Variants in FRG2C observed in about 807,000 individuals in gnomAD.
The protein encoded by FRG2C is protein FRG2-like-2.
FRG2C carries 8 observed loss-of-function variants against 14.1 expected under a neutral mutation model. That is an observed-to-expected ratio of 0.57 (90% CI 0.33 to 1.02). The LOEUF is 1.02. FRG2C is among the 50% of genes least tolerant of loss of function. FRG2C has a pLI of 0.03. For synonymous variants in FRG2C, 92 were observed against 127.4 expected, an observed-to-expected ratio of 0.72 and a Z score of 1.87; for missense variants, 214 against 334.2, an observed-to-expected ratio of 0.64 and a Z score of 2.80.
rs1324652905 is a variant in FRG2C at position 75,666,414 on chromosome 3, A to G, written c.*373A>G. On this transcript the variant is annotated 3_prime_UTR_variant, in exon 4 of 4. Coordinates refer to ENST00000308062, the MANE Select transcript of FRG2C (RefSeq NM_001124759.5). Reference sequence around the variant, plus strand: ...TTTTTTTTTTTGAGACAGTCTTGCTATGTCACTCAGGCTGGAGTGCAGTGG... The same window carrying G: ...TTTTTTTTTTTGAGACAGTCTTGCTGTGTCACTCAGGCTGGAGTGCAGTGG... 2.1e-4 allele frequency: 89 copies of G among 419,002 alleles called. No homozygotes were observed. The East Asian group carries it at 3.2e-3, about 15-fold the overall frequency. 26.0% of individuals were successfully genotyped at this position (419,002 alleles called of 1,614,324 possible). A position where few individuals can be genotyped will look rare whatever the true frequency, so the allele number is the denominator to read the frequency against.
rs1370105074 is a variant in FRG2C, at chr3:75,664,862, C to T, written c.222C>T (p.Thr74=). ...CAAACAAGGAGAATTCTGAGGAAAC[C>T]AAGCTCAAGGCCGGGAACAGCACTG... ...PNPNKENSEE[T]KLKAGNSTAG... is the part of the protein sequence containing the mutation. The change falls in exon 2 of 4, where the codon ACC becomes ACT. Residue 74 remains threonine, a synonymous_variant. Transcript: ENST00000308062. 1.9e-6 allele frequency: 3 copies of T among 1,614,260 alleles called. No homozygotes were observed. The highest frequency in any genetic ancestry group is 1.7e-6 in the Non-Finnish European group (2 of 1,180,042).
At position 75,666,988 on chromosome 3, in the gene FRG2C, TGGA is replaced by T. The variant is rs1026727161; in HGVS notation, c.*949_*951del. The T allele has an allele frequency of 2.0e-4, 30 of 152,390 alleles. No individual in the cohort carries two copies. Among genetic ancestry groups the T allele is most frequent in the Non-Finnish European group, 3.8e-4 (26 of 67,998 alleles). The allele number at this position is 152,390 out of a possible 1,614,324, so 9.4% of individuals were successfully genotyped here. On this transcript the variant is annotated 3_prime_UTR_variant, in exon 4 of 4. Transcript: ENST00000308062. ...ATTGATTGTACTGTATTGCAGGATA[TGGA>T]GATTTCATCACATACTACAATACAG...
chr3:75,665,574 A>T lies in FRG2C; in HGVS notation c.382A>T (p.Arg128Ter), dbSNP rs1366313196. The change falls in exon 4 of 4, where the codon AGA (arginine) becomes TGA (stop). Residue 128 changes from arginine to a stop codon, truncating the protein, a stop_gained. Coordinates refer to ENST00000308062, the MANE Select transcript of FRG2C (RefSeq NM_001124759.5). LOFTEE classifies it low-confidence loss of function (END_TRUNC). ...ECNLTLNKKS[R>*]SSTAVHNSEI... ...CAACTTGACGTTGAATAAAAAATCA[A>T]GATCCTCCACTGCTGTGCACAACAG... 6.2e-7 allele frequency: 1 copy of T among 1,613,820 alleles called. No individual in the cohort carries two copies. Among genetic ancestry groups the T allele is most frequent in the Admixed American group, 1.7e-5 (1 of 59,966 alleles).
chr3:75,664,905 T>G lies in FRG2C; in HGVS notation c.256+9T>G, dbSNP rs1937044917. On this transcript the variant is annotated intron_variant, in intron 2 of 3. Transcript: ENST00000308062. ...CAGCACTGCTGGATCAGGTAAGATT[T>G]GACTCTTTCAAGGTGAGAAGGGACA... is the stretch of plus-strand genomic sequence containing the variant. 1.9e-6 allele frequency: 3 copies of G among 1,614,290 alleles called. No individual in the cohort carries two copies. The highest frequency in any genetic ancestry group is 1.7e-4 in the Middle Eastern group (1 of 6,050).
chr3:75,664,650 T>C, intron 1 of FRG2C, 93 bp downstream of exon 1: 2 of 1,613,184 alleles, frequency 1.2e-6, no homozygotes, highest in Admixed American at 3.3e-5. Context: ...TATTTTGAGA[T>C]TTGGGGATGG....
rs1937089520 is a variant in FRG2C, at chr3:75,665,998, A to T, written c.806A>T (p.Glu269Val). 6.2e-6 allele frequency: 10 copies of T among 1,612,194 alleles called. No individual in the cohort carries two copies. The South Asian group carries it at 1.1e-4, about 18-fold the overall frequency. ...CCCTTCCCTGGGCAGGAGATAACTG[A>T]GCCTGTCAGTGGATCAGATGAGGCT... ...AHPFPGQEIT[E>V]PVSGSDEAKL... is the part of the protein sequence containing the mutation. The change falls in exon 4 of 4, where the codon GAG becomes GTG. Residue 269 changes from glutamate to valine, a missense_variant. Transcript: ENST00000308062.
Position 75,664,770 on chromosome 3 carries a change from A to G in FRG2C, c.179-49A>G, listed in dbSNP as rs1937040624. 1.1e-5 allele frequency: 17 copies of G among 1,613,158 alleles called. No individual in the cohort carries two copies. In the South Asian group the frequency reaches 1.4e-4, roughly 14 times the overall value. On this transcript the variant is annotated intron_variant, in intron 1 of 3. Transcript: ENST00000308062. Reference sequence around the variant, plus strand: ...CTCAAAAATGCATGAGAGATAGACTATGGGACTCTGCCTAGGGAGAGGTGA... The same window carrying G: ...CTCAAAAATGCATGAGAGATAGACTGTGGGACTCTGCCTAGGGAGAGGTGA...
chr3:75,664,388 G>C lies in FRG2C; in HGVS notation c.9G>C (p.Lys3Asn). Residue 3 changes from lysine to asparagine, a missense_variant, in exon 1 of 4, where the codon AAG becomes AAC. Transcript: ENST00000308062. MG[K>N]GNEDPDLHCS... ...TTCACTTGAGCTTCAACATGGGAAA[G>C]GGAAATGAAGACCCCGATCTCCACT... The C allele has an allele frequency of 2.5e-6, 4 of 1,612,136 alleles. No homozygotes were observed.
At position 75,665,656 on chromosome 3, in the gene FRG2C, G is replaced by A. The variant is rs62247158; in HGVS notation, c.464G>A (p.Gly155Glu). ...HHRGSSRACT[G>E]RSKRHRSRAL... ...AGGGGAAGTTCCAGGGCTTGCACTG[G>A]GCGCAGCAAGCGGCATAGGTCTCGG... Residue 155 changes from glycine (G) to glutamate (E), a missense_variant, in exon 4 of 4, where the codon GGG becomes GAG. Physicochemically the swap from Gly to Glu is moderately conservative, Grantham distance 98. Transcript: ENST00000308062. The A allele has an allele frequency of 6.2e-7, 1 of 1,614,062 alleles. No individual in the cohort carries two copies. Among genetic ancestry groups the A allele is most frequent in the Admixed American group, 1.7e-5 (1 of 60,022 alleles).
rs1260895507 is a variant in FRG2C at position 75,666,538 on chromosome 3, C to G, written c.*497C>G. 3.6e-5 allele frequency: 6 copies of G among 168,748 alleles called. No individual in the cohort carries two copies. Among genetic ancestry groups the G allele is most frequent in the Admixed American group, 3.0e-4 (5 of 16,576 alleles). The allele number at this position is 168,748 out of a possible 1,614,324, so 10.5% of individuals were successfully genotyped here. On this transcript the variant is annotated 3_prime_UTR_variant, in exon 4 of 4. Transcript: ENST00000308062. ...GGGACTACAGGCATGTACCGCCATGCCTGGCTAATGTTTTTTTCTTGTATT... is the reference window on the plus strand; with the variant it reads ...GGGACTACAGGCATGTACCGCCATGGCTGGCTAATGTTTTTTTCTTGTATT...
At chr3:75,664,762 G>C (rs376221321) in intron 1 of FRG2C, 57 bp from the exon 2 acceptor site, 6 of 1,612,824 alleles carry the variant, frequency 3.7e-6, no homozygotes, top group Non-Finnish European at 5.1e-6. Flanking sequence ...ATGCATGAGA[G>C]ATAGACTATG....
At chr3:75,664,687 T>A in intron 1 of FRG2C, 130 bp downstream of exon 1, 1 of 1,608,520 alleles carries the variant, frequency 6.2e-7, no homozygotes, top group Non-Finnish European at 8.5e-7. Flanking sequence ...CTTAGGGGAC[T>A]TTGAGAAATG....
In FRG2C at chr3:75,665,712, A is replaced by G; in HGVS notation, c.520A>G (p.Lys174Glu). 6.2e-7 allele frequency: 1 copy of G among 1,614,088 alleles called. No individual in the cohort carries two copies. Among genetic ancestry groups the G allele is most frequent in the Non-Finnish European group, 8.5e-7 (1 of 1,179,886 alleles). The stretch of plus-strand genomic sequence containing the variant: ...AGAAGTCCAAACACCGTCACTTCGA[A>G]AAAGCTTGGTGACCTCTGTGCGAGC... The part of the protein sequence containing the change: ...ALEVQTPSLR[K>E]SLVTSVRAMS... The change falls in exon 4 of 4, where the codon AAA becomes GAA. Residue 174 changes from lysine to glutamate, a missense_variant. Physicochemically the swap from Lys to Glu is moderately conservative, Grantham distance 56. Around this residue, in one of 3 missense-constraint regions of FRG2C, gnomAD observed 136 missense variants for 148.1 expected, o/e 0.92. Transcript: ENST00000308062.
At position 75,665,597 on chromosome 3, in the gene FRG2C, C is replaced by T; in HGVS notation, c.405C>T (p.Asn135=). The T allele has an allele frequency of 6.2e-7, 1 of 1,614,084 alleles. No homozygotes were observed. The highest frequency in any genetic ancestry group is 8.5e-7 in the Non-Finnish European group (1 of 1,179,880). ...CAAGATCCTCCACTGCTGTGCACAA[C>T]AGTGAAATCCAGGAGACCTGTGATG... The part of the protein sequence containing the change: ...KKSRSSTAVH[N]SEIQETCDAH... Residue 135 remains asparagine, a synonymous_variant, in exon 4 of 4, where the codon AAC becomes AAT. Transcript: ENST00000308062.
At position 75,666,943 on chromosome 3, in the gene FRG2C, A is replaced by G. The variant is rs1240493874; in HGVS notation, c.*902A>G. 2 of 152,384 alleles carry G rather than the reference A, an allele frequency of 1.3e-5. No homozygotes were observed. The highest frequency in any genetic ancestry group is 4.8e-5 in the African/African-American group (2 of 41,486). 9.4% of individuals were successfully genotyped at this position (152,384 alleles called of 1,614,324 possible). A position where few individuals can be genotyped will look rare whatever the true frequency, so the allele number is the denominator to read the frequency against. On this transcript the variant is annotated 3_prime_UTR_variant, in exon 4 of 4. Transcript: ENST00000308062. Reference sequence around the variant, plus strand: ...TTTAAACATCCTGAATTTATATTTTATTGTATTTCATACATTTCAATTGAT... The same window carrying G: ...TTTAAACATCCTGAATTTATATTTTGTTGTATTTCATACATTTCAATTGAT...
chr3:75,665,690 A>G lies in FRG2C; in HGVS notation c.498A>G (p.Glu166=). 1 of 1,614,038 alleles carries G rather than the reference A, an allele frequency of 6.2e-7. No homozygotes were observed. Among genetic ancestry groups the G allele is most frequent in the East Asian group, 2.2e-5 (1 of 44,886 alleles). The change falls in exon 4 of 4, where the codon GAA becomes GAG. Residue 166 remains glutamate (E), a synonymous_variant. Coordinates refer to ENST00000308062, the MANE Select transcript of FRG2C (RefSeq NM_001124759.5). ...AGCGGCATAGGTCTCGGGCCCTAGA[A>G]GTCCAAACACCGTCACTTCGAAAAA... The part of the protein sequence containing the change: ...RSKRHRSRAL[E]VQTPSLRKSL...
rs1306270327 is a variant in FRG2C at position 75,666,056 on chromosome 3, G to T, written c.*15G>T. ...GAGCACCCTGACCCTATTCAGCAGA[G>T]ATGCAGCTCTGGGAATGAGAACAAG... On this transcript the variant is annotated 3_prime_UTR_variant, in exon 4 of 4. Coordinates refer to ENST00000308062, the MANE Select transcript of FRG2C (RefSeq NM_001124759.5). 1 of 1,612,172 alleles carries T rather than the reference G, an allele frequency of 6.2e-7. No individual in the cohort carries two copies.
chr3:75,667,164 G>A lies in FRG2C; in HGVS notation c.*1123G>A, dbSNP rs1395462004. The A allele has an allele frequency of 1.3e-5, 2 of 152,314 alleles. No individual in the cohort carries two copies. The highest frequency in any genetic ancestry group is 2.9e-5 in the Non-Finnish European group (2 of 68,064). The allele number at this position is 152,314 out of a possible 1,614,324, so 9.4% of individuals were successfully genotyped here. On this transcript the variant is annotated 3_prime_UTR_variant, in exon 4 of 4. Transcript: ENST00000308062. ...ATGAAATAAACATTAATGTTGTTTG[G>A]AATTTTAAATTTCTTTCATATGGAA...
chr3:75,664,756 A>C, intron 1 of FRG2C, 63 bp from the exon 2 acceptor site: 3 of 1,610,510 alleles, frequency 1.9e-6, no homozygotes, highest in Non-Finnish European at 2.5e-6. Flanking sequence ...TCAAAAATGC[A>C]TGAGAGATAG....
Sources: gnomAD v4.1 joint callset for allele counts on GRCh38, gnomAD v4.1.1 for gene constraint, gnomAD v4.1.1 regional missense constraint, MANE v1.5 for transcripts, NCBI Gene and HGNC (gene_info 2026-07-23, HGNC 2026-07-21) for gene names.